CIP2A: variants seen among roughly 807,000 people sequenced by gnomAD.
CIP2A encodes the protein cellular inhibitor of PP2A, also known as protein CIP2A.
CIP2A carries 103 observed loss-of-function variants against 110.9 expected under a neutral mutation model. That is an observed-to-expected ratio of 0.93 (90% CI 0.79 to 1.09). CIP2A has a LOEUF of 1.09. Ranked by LOEUF, CIP2A falls within the 50% of genes least tolerant of loss-of-function variation. CIP2A has a pLI of 0.00. For missense variants in CIP2A, 1,088 were observed against 1,038.4 expected (o/e 1.05, Z -0.66); for synonymous variants, 381 against 361.6 (o/e 1.05, Z -0.61).
intron 8 of CIP2A, among the ~76,000 whole-genome samples, chr3:108,575,504 GTATA>G (rs1162138483): frequency 7.5e-6 from 1 of 132,982 alleles, no homozygotes; most frequent in East Asian, 2.3e-4. Context: ...ATGTATATAT[GTATA>G]TATACACATA....
chr3:108,576,009 A>G (rs561495511), intron 8 of CIP2A, among the ~76,000 whole-genome samples: 1 of 151,482 alleles, frequency 6.6e-6, no homozygotes, highest in South Asian at 2.1e-4. Context: ...TATAGTGGTT[A>G]TAGCAGTTTA....
At chr3:108,569,179 T>TATATATATATATATACATAC (rs1271625941) in intron 9 of CIP2A, among the ~76,000 whole-genome samples, 1 of 72,068 alleles carries the variant, frequency 1.4e-5, no homozygotes, top group African/African-American at 4.1e-5. Flanking sequence ...TATATATATA[T>TATATATATATATATACATAC]ATACATACAC....
Position 108,557,236 on chromosome 3 carries a change from T to A in CIP2A, c.2192A>T (p.Tyr731Phe). The A allele has an allele frequency of 6.3e-7, 1 of 1,594,128 alleles. No homozygotes were observed. The highest frequency in any genetic ancestry group is 8.6e-7 in the Non-Finnish European group (1 of 1,165,936). The change falls in exon 17 of 21, where the codon TAC becomes TTC. Residue 731 changes from tyrosine to phenylalanine, a missense_variant. Coordinates refer to ENST00000295746, the MANE Select transcript of CIP2A (RefSeq NM_020890.3). ...AEEHEILTKS[Y>F]MELLQRNEST... is the part of the protein sequence containing the mutation. ...TATTTACCTCTGAAGAAGTTCCATG[T>A]AGGATTTTGTCAGTATTTCATGTTC...
chr3:108,582,295 T>C, intron 3 of CIP2A, 93 bp from the exon 4 acceptor site: 1 of 499,264 alleles, frequency 2.0e-6, no homozygotes. Flanking sequence ...GCATGTCCTT[T>C]TCCATTTCCT....
chr3:108,584,879 T>C (rs1938994359), intron 2 of CIP2A, 186 bp downstream of exon 2: 1 of 466,584 alleles, frequency 2.1e-6, no homozygotes, highest in East Asian at 3.3e-5. Context: ...TGTAATCTAT[T>C]ACAGAAGGAT....
chr3:108,573,788 A>C (rs1251731687), intron 8 of CIP2A, among the ~76,000 whole-genome samples: 1 of 152,166 alleles, frequency 6.6e-6, no homozygotes, highest in Non-Finnish European at 1.5e-5. Context: ...CAACCTTTCT[A>C]CCATCTTTTA....
At position 108,581,510 on chromosome 3, in the gene CIP2A, G is replaced by A. The variant is rs1365509706; in HGVS notation, c.454C>T (p.Gln152Ter). The change falls in exon 5 of 21, where the codon CAA (glutamine) becomes TAA (stop). Residue 152 changes from glutamine to a stop codon, truncating the protein, a stop_gained and splice_region_variant. Transcript: ENST00000295746. LOFTEE classifies it high-confidence loss of function. ...ELITFLIDHI[Q>*]SSEDELKMPC... ...ATTTTTAACTCATCTTCAGAAGATTGACTGTTGTTTTACATTGGTGTTTTG... is the reference window on the plus strand; with the variant it reads ...ATTTTTAACTCATCTTCAGAAGATTAACTGTTGTTTTACATTGGTGTTTTG... The A allele has an allele frequency of 6.3e-7, 1 of 1,594,538 alleles. No individual in the cohort carries two copies. Among genetic ancestry groups the A allele is most frequent in the Non-Finnish European group, 8.6e-7 (1 of 1,163,796 alleles).
rs949175216 is a variant in CIP2A at position 108,550,234 on chromosome 3, T to C, written c.*915A>G. 1 of 151,526 alleles carries C rather than the reference T, an allele frequency of 6.6e-6. No individual in the cohort carries two copies. The highest frequency in any genetic ancestry group is 1.5e-5 in the Non-Finnish European group (1 of 67,706). 9.4% of individuals were successfully genotyped at this position (151,526 alleles called of 1,614,324 possible). A position where few individuals can be genotyped will look rare whatever the true frequency, so the allele number is the denominator to read the frequency against. On this transcript the variant is annotated 3_prime_UTR_variant, in exon 21 of 21. Transcript: ENST00000295746. ...TTGTATTTTAAAAAAAATAAAGATA[T>C]TTAACCTATGCTTTAAAATTAAATG...
chr3:108,587,703 T>C (rs567138259), intron 1 of CIP2A, among the ~76,000 whole-genome samples: 2 of 152,324 alleles, frequency 1.3e-5, no homozygotes, highest in East Asian at 3.9e-4. Context: ...GCAACAACGG[T>C]AGAAGAGTTT....
At chr3:108,551,620 A>G (rs2083899624) in intron 20 of CIP2A, among the ~76,000 whole-genome samples, 1 of 152,128 alleles carries the variant, frequency 6.6e-6, no homozygotes, top group Admixed American at 6.5e-5. Flanking sequence ...AGATAATCAC[A>G]TTAAAGCAGA....
Position 108,565,420 on chromosome 3 carries a change from C to T in CIP2A, c.1450G>A (p.Asp484Asn). 1 of 1,596,824 alleles carries T rather than the reference C, an allele frequency of 6.3e-7. No homozygotes were observed. Among genetic ancestry groups the T allele is most frequent in the Non-Finnish European group, 8.5e-7 (1 of 1,171,300 alleles). The stretch of plus-strand genomic sequence containing the variant: ...AATGGTTTAAGTTTGTTAATCAAAT[C>T]AAGAGTTTTCAAAATTACATCAGCA... Reference protein sequence around the residue: ...LAADVILKTLDLINKLKPLVP... With the variant: ...LAADVILKTLNLINKLKPLVP... The change falls in exon 12 of 21, where the codon GAT becomes AAT. Residue 484 changes from aspartate to asparagine, a missense_variant. Asp to Asn is a conservative substitution (Grantham distance 23). Transcript: ENST00000295746.
intron 18 of CIP2A, among the ~76,000 whole-genome samples, 158 bp from the exon 19 acceptor site, chr3:108,553,888 T>TAAAAAAAAAAAAAAAA: frequency 3.3e-4 from 1 of 3,066 alleles, no homozygotes; most frequent in Non-Finnish European, 6.4e-4. Context: ...CCGTCTCTAC[T>TAAAAAAAAAAAAAAAA]AAAAATATAA....
chr3:108,570,636 C>A (rs986973318), intron 8 of CIP2A, among the ~76,000 whole-genome samples: 1 of 151,988 alleles, frequency 6.6e-6, no homozygotes, highest in Non-Finnish European at 1.5e-5. Flanking sequence ...TATAAAAGAT[C>A]AAAAACGGTA....
chr3:108,579,512 CTT>C (rs1007780498), intron 6 of CIP2A, 52 bp downstream of exon 6: 9 of 1,565,278 alleles, frequency 5.7e-6, no homozygotes, highest in East Asian at 2.3e-5. Context: ...GTCTCAATGA[CTT>C]TTAAAATATC....
At chr3:108,569,717 A>C in intron 8 of CIP2A, 110 bp from the exon 9 acceptor site, 1 of 809,324 alleles carries the variant, frequency 1.2e-6, no homozygotes. Context: ...AATATTCTAA[A>C]ACAAAACTTA....
At position 108,578,705 on chromosome 3, in the gene CIP2A, G is replaced by C. The variant is rs186137372; in HGVS notation, c.818+576C>G. 2.6e-5 allele frequency among the ~76,000 whole-genome samples: 4 copies of C among 152,178 alleles called. No homozygotes were observed. In the East Asian group the frequency reaches 7.7e-4, roughly 29 times the overall value. On this transcript the variant is annotated intron_variant, in intron 7 of 20. Transcript: ENST00000295746. ...CAAAATTTAAGTTAGAATGCACAAA[G>C]GCCACAAGCTTGTTGGAAAACAATT...
At position 108,557,245 on chromosome 3, in the gene CIP2A, G is replaced by C. The variant is rs746609138; in HGVS notation, c.2183C>G (p.Thr728Arg). Residue 728 changes from threonine (T) to arginine (R), a missense_variant, in exon 17 of 21, where the codon ACA becomes AGA. By Grantham distance (71) the Thr-to-Arg change is moderately conservative. Coordinates refer to ENST00000295746, the MANE Select transcript of CIP2A (RefSeq NM_020890.3). ...CTGAAGAAGTTCCATGTAGGATTTT[G>C]TCAGTATTTCATGTTCTTCAGCCAC... The part of the protein sequence containing the change: ...ESVAEEHEIL[T>R]KSYMELLQRN... 1 of 1,598,390 alleles carries C rather than the reference G, an allele frequency of 6.3e-7. No individual in the cohort carries two copies. Among genetic ancestry groups the C allele is most frequent in the South Asian group, 1.1e-5 (1 of 89,510 alleles).
At chr3:108,560,361 C>T (rs530366077) in intron 14 of CIP2A, among the ~76,000 whole-genome samples, 31 of 152,054 alleles carry the variant, frequency 2.0e-4, no homozygotes, top group East Asian at 1.7e-3. Flanking sequence ...TTAATAGAGA[C>T]GGGGTTTCGC....
Position 108,569,179 on chromosome 3 carries a change from T to TATATAGTATATGTATATATATATAC in CIP2A, c.1113+209_1113+210insGTATATATATATACATATACTATAT, listed in dbSNP as rs1271625941. 5.6e-5 allele frequency among the ~76,000 whole-genome samples: 4 copies of TATATAGTATATGTATATATATATAC among 72,068 alleles called. 2 individuals are homozygous for TATATAGTATATGTATATATATATAC. The East Asian group carries it at 3.3e-3, about 60-fold the overall frequency. 47.3% of individuals were successfully genotyped at this position (72,068 alleles called of 152,430 possible). On this transcript the variant is annotated intron_variant, in intron 9 of 20. Transcript: ENST00000295746. ...CACTGAAATGAGCACTATATATATA[T>TATATAGTATATGTATATATATATAC]ATACATACACACTACTCAGTGAAAA...
Sources: allele counts gnomAD v4.1 joint callset (sites outside exome capture counted in the v4.1 genomes callset), GRCh38; gene constraint gnomAD v4.1.1; transcripts MANE v1.5; gene names NCBI Gene and HGNC (gene_info 2026-07-23, HGNC 2026-07-21).